Variants in PPP1R9A observed in about 807,000 individuals in gnomAD.
The protein encoded by PPP1R9A is protein phosphatase 1 regulatory subunit 9A, also known as neurabin-1.
Under a neutral mutation model 141.9 loss-of-function variants are expected in PPP1R9A, and 59 were observed. The observed-to-expected ratio is 0.42, with a 90% CI of 0.34 to 0.52. The LOEUF is 0.52. PPP1R9A is among the 20% of genes least tolerant of loss of function. The pLI is 0.10. For missense variants in PPP1R9A, 1,444 were observed against 1,611.9 expected (o/e 0.90, Z 1.78); for synonymous variants, 500 against 569.7 (o/e 0.88, Z 1.74).
At chr7:94,936,651 G>GGTGTGTGT (rs35730484) in intron 2 of PPP1R9A, among the ~76,000 whole-genome samples, 41 of 82,236 alleles carry the variant, frequency 5.0e-4, no homozygotes, top group African/African-American at 9.9e-4. Context: ...ACTGTGTAGG[G>GGTGTGTGT]GTGTGTGTGT....
intron 2 of PPP1R9A, among the ~76,000 whole-genome samples, chr7:94,952,875 A>G (rs1234424081): frequency 6.6e-6 from 1 of 152,094 alleles, no homozygotes; most frequent in East Asian, 1.9e-4. Flanking sequence ...TCAGATGGAT[A>G]GATTGCAAAA....
chr7:94,955,104 G>T (rs529927507), intron 2 of PPP1R9A, among the ~76,000 whole-genome samples: 1 of 151,710 alleles, frequency 6.6e-6, no homozygotes, highest in Admixed American at 6.6e-5. Context: ...TCTTTTCACT[G>T]TTTATTCATG....
At chr7:94,956,611 C>T (rs1797098865) in intron 2 of PPP1R9A, among the ~76,000 whole-genome samples, 1 of 151,996 alleles carries the variant, frequency 6.6e-6, no homozygotes, top group African/African-American at 2.4e-5. Flanking sequence ...ATAGCTTGAG[C>T]TCAGGAGTTG....
At chr7:95,285,881 C>T (rs1442778622) in intron 17 of PPP1R9A, among the ~76,000 whole-genome samples, 3 of 152,142 alleles carry the variant, frequency 2.0e-5, no homozygotes, top group Non-Finnish European at 2.9e-5. Flanking sequence ...TTACTCATCA[C>T]GATTAGGGTC....
At chr7:95,034,648 C>T (rs533948579) in intron 2 of PPP1R9A, among the ~76,000 whole-genome samples, 8 of 152,082 alleles carry the variant, frequency 5.3e-5, no homozygotes, top group South Asian at 4.1e-4. Context: ...CCACCACACC[C>T]GGTCGTATTT....
chr7:95,211,105 C>A (rs543176216), intron 7 of PPP1R9A, among the ~76,000 whole-genome samples: 2 of 151,350 alleles, frequency 1.3e-5, no homozygotes, highest in African/African-American at 2.4e-5. Flanking sequence ...ATGTAACAAA[C>A]CTGCATGTTC....
intron 12 of PPP1R9A, among the ~76,000 whole-genome samples, chr7:95,264,465 C>T (rs943486148): frequency 2.0e-4 from 31 of 152,124 alleles, no homozygotes; most frequent in African/African-American, 7.2e-4. Context: ...GTATGACTCA[C>T]AGTATTACTG....
At chr7:94,947,028 C>A (rs1162178289) in intron 2 of PPP1R9A, among the ~76,000 whole-genome samples, 1 of 152,208 alleles carries the variant, frequency 6.6e-6, no homozygotes, top group Admixed American at 6.5e-5. Context: ...ATACTAAAAG[C>A]CCAATGGTCA....
chr7:95,082,808 G>A (rs1584598076), intron 2 of PPP1R9A, among the ~76,000 whole-genome samples: 3 of 127,144 alleles, frequency 2.4e-5, no homozygotes, highest in Admixed American at 9.7e-5. Context: ...GTCTTGCTCT[G>A]TTGCCCAGGC....
chr7:94,948,349 G>T (rs1176527984), intron 2 of PPP1R9A, among the ~76,000 whole-genome samples: 1 of 152,044 alleles, frequency 6.6e-6, no homozygotes, highest in Non-Finnish European at 1.5e-5. Flanking sequence ...TAATGGGGTG[G>T]TTTTGTTTTT....
chr7:95,221,934 C>A (rs942805648), intron 7 of PPP1R9A, among the ~76,000 whole-genome samples: 8 of 152,006 alleles, frequency 5.3e-5, no homozygotes, highest in African/African-American at 1.7e-4. Context: ...TAAATGAATA[C>A]TTCTGTGATT....
chr7:95,051,843 ATTT>A, intron 2 of PPP1R9A, among the ~76,000 whole-genome samples: 1 of 137,496 alleles, frequency 7.3e-6, no homozygotes, highest in African/African-American at 2.7e-5. Flanking sequence ...TTTTATTTTA[ATTT>A]TTTTTTTTTT....
intron 2 of PPP1R9A, among the ~76,000 whole-genome samples, chr7:95,003,232 A>G (rs1803182844): frequency 6.6e-6 from 1 of 152,154 alleles, no homozygotes; most frequent in Admixed American, 6.5e-5. Flanking sequence ...CATCAGATTC[A>G]AGCCTATTAG....
intron 2 of PPP1R9A, among the ~76,000 whole-genome samples, chr7:94,942,795 C>CTG (rs1795477570): frequency 7.1e-6 from 1 of 140,934 alleles, no homozygotes. Context: ...CAGAGCAAGA[C>CTG]TGTCTCTCAA....
chr7:95,181,462 T>G (rs1251311191), intron 5 of PPP1R9A, among the ~76,000 whole-genome samples: 2 of 136,446 alleles, frequency 1.5e-5, no homozygotes, highest in African/African-American at 2.7e-5. Flanking sequence ...ATAGAATATA[T>G]ATAGAGAATA....
chr7:95,181,063 T>C (rs944288737), intron 5 of PPP1R9A, among the ~76,000 whole-genome samples: 1 of 151,316 alleles, frequency 6.6e-6, no homozygotes, highest in Non-Finnish European at 1.5e-5. Context: ...ATGATAAAGA[T>C]ACTTGCACAC....
At chr7:95,103,623 C>T (rs767547440) in intron 2 of PPP1R9A, among the ~76,000 whole-genome samples, 8 of 152,124 alleles carry the variant, frequency 5.3e-5, no homozygotes, top group Admixed American at 2.0e-4. Context: ...CTGCCTCGGC[C>T]TCCCAAAGTG....
intron 2 of PPP1R9A, among the ~76,000 whole-genome samples, chr7:95,094,984 C>G (rs1195998121): frequency 6.7e-6 from 1 of 150,358 alleles, no homozygotes; most frequent in Non-Finnish European, 1.5e-5. Context: ...GATTGACTGC[C>G]CTTTCAAGCC....
chr7:95,082,940 A>G (rs531426786), intron 2 of PPP1R9A, among the ~76,000 whole-genome samples: 1 of 151,478 alleles, frequency 6.6e-6, no homozygotes, highest in African/African-American at 2.4e-5. Flanking sequence ...TATTTTTAGA[A>G]GAGACGGGGT....
Sources: gnomAD v4.1 joint callset for allele counts (sites outside exome capture counted in the v4.1 genomes callset) on GRCh38, gnomAD v4.1.1 for gene constraint, MANE v1.5 for transcripts, NCBI Gene and HGNC (gene_info 2026-07-23, HGNC 2026-07-21) for gene names.